MAP3K19: variants seen among roughly 807,000 people sequenced by gnomAD.
MAP3K19 encodes SPS1/STE20-related protein kinase YSK4.
MAP3K19 carries 91 observed loss-of-function variants against 114.4 expected under a neutral mutation model. The observed-to-expected ratio is 0.80, with a 90% CI of 0.67 to 0.95. The LOEUF is 0.95. MAP3K19 is among the 40% of genes least tolerant of loss of function. The pLI, the probability that MAP3K19 is intolerant of heterozygous loss-of-function variation, is 0.00. For synonymous variants in MAP3K19, 518 were observed against 530.5 expected, an observed-to-expected ratio of 0.98 and a Z score of 0.32; for missense variants, 1,471 against 1,573.2, an observed-to-expected ratio of 0.94 and a Z score of 1.10.
chr2:135,045,782 G>A (rs1357697125), intron 1 of MAP3K19, among the ~76,000 whole-genome samples: 2 of 152,092 alleles, frequency 1.3e-5, no homozygotes, highest in African/African-American at 2.4e-5. Context: ...CTGCAATACC[G>A]GGTAATGTGG....
chr2:135,021,471 CAT>C (rs1295843689), intron 5 of MAP3K19, among the ~76,000 whole-genome samples: 1 of 138,740 alleles, frequency 7.2e-6, no homozygotes, highest in Non-Finnish European at 1.5e-5. Flanking sequence ...GACACACACA[CAT>C]ACACACACAC....
intron 8 of MAP3K19, among the ~76,000 whole-genome samples, chr2:134,996,129 A>AT (rs569864880): frequency 2.1e-3 from 321 of 152,036 alleles, no homozygotes; most frequent in African/African-American, 6.5e-3. Flanking sequence ...ATTTTTATAT[A>AT]TGTACTTTTT....
chr2:135,032,370 A>AG (rs1212526661), intron 2 of MAP3K19, among the ~76,000 whole-genome samples: 22 of 107,688 alleles, frequency 2.0e-4, no homozygotes, highest in Middle Eastern at 4.3e-3. Flanking sequence ...AAAAAAAAAA[A>AG]AAAGAAAAGA....
At chr2:134,998,037 G>A (rs1388284116) in intron 8 of MAP3K19, among the ~76,000 whole-genome samples, 2 of 152,092 alleles carry the variant, frequency 1.3e-5, no homozygotes, top group South Asian at 2.1e-4. Flanking sequence ...GAGGACAGTG[G>A]TAAACAAGTA....
In MAP3K19 at chr2:134,985,940, A is replaced by G. The variant is rs761821884; in HGVS notation, c.2932T>C (p.Leu978=). Residue 978 remains leucine (L), a synonymous_variant, in exon 10 of 13, where the codon TTA becomes CTA. Coordinates refer to ENST00000392915, the MANE Select transcript of MAP3K19 (RefSeq NM_025052.5). Reference sequence around the variant, plus strand: ...TTGTTATCTTTCTCATCAAGAGCTAATAATTCTGCAGCTAGACAACCTAAT... The same window carrying G: ...TTGTTATCTTTCTCATCAAGAGCTAGTAATTCTGCAGCTAGACAACCTAAT... ...ELLGCLAAEL[L]ALDEKDNNSC... The G allele has an allele frequency of 4.3e-6, 7 of 1,614,048 alleles. No individual in the cohort carries two copies. The highest frequency in any genetic ancestry group is 5.9e-6 in the Non-Finnish European group (7 of 1,180,012).
At chr2:135,011,487 A>C (rs959319577) in intron 5 of MAP3K19, among the ~76,000 whole-genome samples, 3 of 149,898 alleles carry the variant, frequency 2.0e-5, no homozygotes, top group Non-Finnish European at 4.4e-5. Flanking sequence ...CAGTGAGCCG[A>C]GATCGCGCCA....
At chr2:134,968,150 A>T (rs1441435845) in intron 12 of MAP3K19, among the ~76,000 whole-genome samples, 4 of 152,148 alleles carry the variant, frequency 2.6e-5, no homozygotes, top group Non-Finnish European at 4.4e-5. Context: ...GACACAGCAC[A>T]TGTTTCAGAG....
rs772457665 is a variant in MAP3K19 at position 134,980,934 on chromosome 2, G to A, written c.3807C>T (p.Ser1269=). 2.5e-6 allele frequency: 4 copies of A among 1,614,162 alleles called. No homozygotes were observed. Among genetic ancestry groups the A allele is most frequent in the Non-Finnish European group, 3.4e-6 (4 of 1,180,032 alleles). Residue 1269 remains serine (S), a synonymous_variant, in exon 12 of 13, where the codon TCC becomes TCT. Coordinates refer to ENST00000392915, the MANE Select transcript of MAP3K19 (RefSeq NM_025052.5). The part of the protein sequence containing the change: ...EMATGKPPLA[S]MDRMAAMFYI... ...AAAACATGGCGGCCATCCTGTCCAT[G>A]GAAGCCAGTGGAGGCTTCCCTGTAG...
chr2:134,997,000 G>A (rs1045071652), intron 8 of MAP3K19, among the ~76,000 whole-genome samples: 2 of 152,078 alleles, frequency 1.3e-5, no homozygotes, highest in African/African-American at 4.8e-5. Flanking sequence ...AGTGAGCCAA[G>A]ATCACGCCAC....
chr2:135,039,123 CTTTTT>C (rs61309665), intron 2 of MAP3K19, among the ~76,000 whole-genome samples: 112 of 112,472 alleles, frequency 1.0e-3, no homozygotes, highest in Middle Eastern at 0.01. Context: ...AATTTTCTTT[CTTTTT>C]TTTTTTTTTT....
intron 8 of MAP3K19, among the ~76,000 whole-genome samples, chr2:134,995,989 G>T (rs1407323120): frequency 6.6e-6 from 1 of 152,042 alleles, no homozygotes; most frequent in Non-Finnish European, 1.5e-5. Flanking sequence ...ACCCAGGCTG[G>T]AGTGCAATGG....
In MAP3K19 at chr2:134,981,299, T is replaced by C. The variant is rs1256675149; in HGVS notation, c.3442A>G (p.Ile1148Val). The change falls in exon 12 of 13, where the codon ATC (isoleucine) becomes GTC (valine). Residue 1148 changes from isoleucine (I) to valine (V), a missense_variant. Physicochemically the swap from Ile to Val is conservative, Grantham distance 29. Transcript: ENST00000392915. ...IFMEFVPGGS[I>V]SSIINRFGPL... Reference sequence around the variant, plus strand: ...CCAAAACGGTTTATAATACTAGAGATTGAGCCACCAGGAACAAACTCCATG... The same window carrying C: ...CCAAAACGGTTTATAATACTAGAGACTGAGCCACCAGGAACAAACTCCATG... The C allele has an allele frequency of 5.0e-6, 8 of 1,614,246 alleles. No individual in the cohort carries two copies. Among genetic ancestry groups the C allele is most frequent in the Non-Finnish European group, 6.8e-6 (8 of 1,180,048 alleles).
At chr2:134,983,543 C>CAACTGAAAGAGTTCTAAGT in intron 11 of MAP3K19, 133 bp downstream of exon 11, 1 of 650,862 alleles carries the variant, frequency 1.5e-6, no homozygotes, top group East Asian at 2.7e-5. Context: ...CTGTTACTTC[C>CAACTGAAAGAGTTCTAAGT]AACTGAAAGA....
Position 134,983,665 on chromosome 2 carries a change from G to T in MAP3K19, c.3222+11C>A. ...GGGGAGTGCTGATTTCAAGTTTCCA[G>T]TTTAACTTACTGTGCCGTAGGCTCC... On this transcript the variant is annotated intron_variant, in intron 11 of 12. Transcript: ENST00000392915. 6.5e-7 allele frequency: 1 copy of T among 1,529,914 alleles called. No homozygotes were observed. Among genetic ancestry groups the T allele is most frequent in the African/African-American group, 1.4e-5 (1 of 71,898 alleles). The allele number at this position is 1,529,914 out of a possible 1,614,324, so 94.8% of individuals were successfully genotyped here.
intron 12 of MAP3K19, among the ~76,000 whole-genome samples, chr2:134,972,501 C>T (rs1308571160): frequency 1.3e-5 from 2 of 152,074 alleles, no homozygotes; most frequent in African/African-American, 4.8e-5. Context: ...AAAGGTCACC[C>T]CATCTGGAAT....
Position 134,987,453 on chromosome 2 carries a change from T to C in MAP3K19, c.1419A>G (p.Arg473=), listed in dbSNP as rs977089367. The C allele has an allele frequency of 1.8e-5, 29 of 1,614,080 alleles. No homozygotes were observed. Among genetic ancestry groups the C allele is most frequent in the Non-Finnish European group, 2.2e-5 (26 of 1,180,048 alleles). The change falls in exon 10 of 13, where the codon AGA becomes AGG. Residue 473 remains arginine (R), a synonymous_variant. Transcript: ENST00000392915. ...ETNIKISIAE[R]AKPEMSRMVP... is the part of the protein sequence containing the mutation. ...CCATCCTACTCATTTCTGGTTTGGCTCTTTCTGCTATTGATATTTTTATGT... is the reference window on the plus strand; with the variant it reads ...CCATCCTACTCATTTCTGGTTTGGCCCTTTCTGCTATTGATATTTTTATGT...
In MAP3K19 at chr2:135,025,372, C is replaced by CTTTTTTTTTTTTTTTTTTTTT. The variant is rs1054458367; in HGVS notation, c.-94-632_-94-631insAAAAAAAAAAAAAAAAAAAAA. Reference sequence around the variant, plus strand: ...AGTGTGCCTCTCCACATGGCCTTTTCTTTTCTTTTTTTTTTTTTTTTTTTT... The same window carrying CTTTTTTTTTTTTTTTTTTTTT: ...AGTGTGCCTCTCCACATGGCCTTTTCTTTTTTTTTTTTTTTTTTTTTTTTTCTTTTTTTTTTTTTTTTTTTT... On this transcript the variant is annotated intron_variant, in intron 3 of 12. Transcript: ENST00000392915. Among the ~76,000 whole-genome samples the CTTTTTTTTTTTTTTTTTTTTT allele has an allele frequency of 2.9e-5, 2 of 70,138 alleles. 1 individual carries two copies. Among genetic ancestry groups the CTTTTTTTTTTTTTTTTTTTTT allele is most frequent in the African/African-American group, 1.4e-4 (2 of 14,178 alleles). The allele number at this position is 70,138 out of a possible 152,430, so 46.0% of individuals were successfully genotyped here. A position where few individuals can be genotyped will look rare whatever the true frequency, so the allele number is the denominator to read the frequency against.
Position 134,992,831 on chromosome 2 carries a change from G to A in MAP3K19, c.575-1251C>T, listed in dbSNP as rs563188238. ...ATTACAGGCACCTGCCATCATGCCC[G>A]GCTAATTTTTTGTGTATTTTTTATT... On this transcript the variant is annotated intron_variant, in intron 8 of 12. Transcript: ENST00000392915. 2.6e-5 allele frequency among the ~76,000 whole-genome samples: 4 copies of A among 151,970 alleles called. No individual in the cohort carries two copies. In the South Asian group the frequency reaches 6.2e-4, roughly 24 times the overall value.
At position 134,986,293 on chromosome 2, in the gene MAP3K19, C is replaced by T. The variant is rs765232723; in HGVS notation, c.2579G>A (p.Ser860Asn). ...TACATACTTGTTAGAATTCTTCTCA[C>T]TGGGCACTGCCCAGCTGTCTTCTGA... is the stretch of plus-strand genomic sequence containing the variant. ...IPSEDSWAVPSEKNSNKYVQQ... is the reference protein window; with the variant it reads ...IPSEDSWAVPNEKNSNKYVQQ... Residue 860 changes from serine (S) to asparagine (N), a missense_variant, in exon 10 of 13, where the codon AGT (serine) becomes AAT (asparagine). Coordinates refer to ENST00000392915, the MANE Select transcript of MAP3K19 (RefSeq NM_025052.5). 1.4e-5 allele frequency: 22 copies of T among 1,613,918 alleles called. No individual in the cohort carries two copies. The highest frequency in any genetic ancestry group is 3.3e-5 in the South Asian group (3 of 91,052).
Sources: gnomAD v4.1 joint callset for allele counts (sites outside exome capture counted in the v4.1 genomes callset) on GRCh38, gnomAD v4.1.1 for gene constraint, MANE v1.5 for transcripts, NCBI Gene and HGNC (gene_info 2026-07-23, HGNC 2026-07-21) for gene names.